Variants in RALGPS2 observed in about 807,000 individuals in gnomAD.
The protein encoded by RALGPS2 is Ral GEF with PH domain and SH3 binding motif 2, also known as ras-specific guanine nucleotide-releasing factor RalGPS2.
A neutral mutation model predicts 86.8 loss-of-function variants in RALGPS2; 43 were observed. The ratio of observed to expected loss-of-function variants is 0.50; its 90% CI spans 0.39 to 0.64. The LOEUF is 0.64. RALGPS2 is among the 30% of genes least tolerant of loss of function. The pLI is 0.00. For missense variants in RALGPS2, 536 were observed against 694.6 expected, an observed-to-expected ratio of 0.77 and a Z score of 2.57; for synonymous variants, 243 against 231.3, an observed-to-expected ratio of 1.05 and a Z score of -0.46.
At chr1:178,824,281 G>A (rs1655643451) in intron 7 of RALGPS2, among the ~76,000 whole-genome samples, 1 of 152,150 alleles carries the variant, frequency 6.6e-6, no homozygotes, top group Admixed American at 6.5e-5. Flanking sequence ...ACTGTAAAGG[G>A]CTGCAGTGTG....
At chr1:178,895,075 A>G (rs1231761625) in intron 16 of RALGPS2, among the ~76,000 whole-genome samples, 1 of 151,902 alleles carries the variant, frequency 6.6e-6, no homozygotes, top group African/African-American at 2.4e-5. Flanking sequence ...TGGGGGGGGA[A>G]AAAAGGAAGA....
At chr1:178,911,788 T>C (rs1341219901) in intron 19 of RALGPS2, among the ~76,000 whole-genome samples, 1 of 152,240 alleles carries the variant, frequency 6.6e-6, no homozygotes, top group African/African-American at 2.4e-5. Context: ...GCCTCAGTGA[T>C]CTGCCTGACA....
chr1:178,819,089 A>G (rs1655374364), intron 6 of RALGPS2, among the ~76,000 whole-genome samples: 1 of 151,652 alleles, frequency 6.6e-6, no homozygotes, highest in African/African-American at 2.4e-5. Flanking sequence ...CCTGGGCTCA[A>G]GCAGTCCTCC....
chr1:178,913,919 T>G (rs1419450512), intron 19 of RALGPS2, among the ~76,000 whole-genome samples: 4 of 152,154 alleles, frequency 2.6e-5, no homozygotes, highest in Non-Finnish European at 5.9e-5. Flanking sequence ...CAAAAGCACT[T>G]CCTCAGGGGC....
intron 2 of RALGPS2, among the ~76,000 whole-genome samples, chr1:178,781,117 C>A (rs1653373230): frequency 6.6e-6 from 1 of 151,880 alleles, no homozygotes; most frequent in Non-Finnish European, 1.5e-5. Flanking sequence ...TAAAATAGAT[C>A]ATTTCACTTG....
At chr1:178,873,256 G>T (rs895050767) in intron 8 of RALGPS2, among the ~76,000 whole-genome samples, 1 of 151,968 alleles carries the variant, frequency 6.6e-6, no homozygotes, top group Non-Finnish European at 1.5e-5. Flanking sequence ...AAATTTAACT[G>T]ACAAATTAGT....
At chr1:178,786,323 G>C (rs1653647184) in intron 4 of RALGPS2, among the ~76,000 whole-genome samples, 3 of 152,024 alleles carry the variant, frequency 2.0e-5, no homozygotes, top group Admixed American at 2.0e-4. Context: ...TTAATGGGAA[G>C]ATGGAAATTT....
intron 1 of RALGPS2, among the ~76,000 whole-genome samples, chr1:178,759,732 A>G (rs1553260068): frequency 3.3e-5 from 5 of 149,508 alleles, no homozygotes; most frequent in Non-Finnish European, 7.4e-5. Flanking sequence ...TGCAATATCC[A>G]TTTTTTTTTG....
intron 17 of RALGPS2, among the ~76,000 whole-genome samples, chr1:178,898,903 A>G (rs1235579481): frequency 1.3e-5 from 2 of 151,904 alleles, no homozygotes; most frequent in African/African-American, 4.8e-5. Flanking sequence ...TAGTTTTGCT[A>G]GAACAATTTG....
chr1:178,901,852 G>A (rs938655196), intron 17 of RALGPS2, among the ~76,000 whole-genome samples: 33 of 151,956 alleles, frequency 2.2e-4, no homozygotes, highest in Non-Finnish European at 3.5e-4. Flanking sequence ...TGCTCTCTGG[G>A]AATAGGGAAT....
intron 1 of RALGPS2, among the ~76,000 whole-genome samples, chr1:178,756,641 G>C (rs1430754563): frequency 1.3e-5 from 2 of 152,112 alleles, no homozygotes; most frequent in African/African-American, 4.8e-5. Context: ...TGGCTACTCA[G>C]GTTCTTTTTT....
chr1:178,746,851 T>C, intron 1 of RALGPS2: 1 of 1,175,468 alleles, frequency 8.5e-7, no homozygotes, highest in Non-Finnish European at 1.3e-6. Context: ...TAGAGGAAAG[T>C]CCTGTACGTC....
At chr1:178,772,310 A>T (rs1160362659) in intron 1 of RALGPS2, among the ~76,000 whole-genome samples, 1 of 152,204 alleles carries the variant, frequency 6.6e-6, no homozygotes, top group Non-Finnish European at 1.5e-5. Flanking sequence ...TGAGTAGAGC[A>T]TCTGGCCAAA....
At chr1:178,806,639 A>G (rs1417931984) in intron 4 of RALGPS2, among the ~76,000 whole-genome samples, 1 of 151,914 alleles carries the variant, frequency 6.6e-6, no homozygotes, top group Non-Finnish European at 1.5e-5. Context: ...TGTTCTCTGA[A>G]TATTTCTTTT....
intron 8 of RALGPS2, among the ~76,000 whole-genome samples, chr1:178,844,145 C>T (rs1051736467): frequency 5.3e-5 from 8 of 152,124 alleles, no homozygotes; most frequent in Non-Finnish European, 1.2e-4. Context: ...TTGGTAGCTT[C>T]ATTTAACTAT....
chr1:178,889,623 G>T lies in RALGPS2; in HGVS notation c.1193-19G>T. On this transcript the variant is annotated intron_variant, in intron 13 of 19. Coordinates refer to ENST00000367635, the MANE Select transcript of RALGPS2 (RefSeq NM_152663.5). ...AGGTAATTCTGATGTTTAAAAAATA[G>T]GATAACTTTTCATTTTAGGTAGCAG... is the stretch of plus-strand genomic sequence containing the variant. 3 of 1,563,118 alleles carry T rather than the reference G, an allele frequency of 1.9e-6. No homozygotes were observed. The highest frequency in any genetic ancestry group is 2.6e-6 in the Non-Finnish European group (3 of 1,138,368).
intron 19 of RALGPS2, among the ~76,000 whole-genome samples, chr1:178,908,993 A>G (rs1420972669): frequency 6.6e-6 from 1 of 152,146 alleles, no homozygotes; most frequent in African/African-American, 2.4e-5. Context: ...CTGTGTCCAG[A>G]ATGGTATATC....
chr1:178,816,468 A>T (rs1655235705), intron 6 of RALGPS2, among the ~76,000 whole-genome samples: 1 of 152,042 alleles, frequency 6.6e-6, no homozygotes, highest in Admixed American at 6.6e-5. Context: ...TTTTTAATGT[A>T]TTCTGAATAC....
At chr1:178,799,867 A>G (rs1011380805) in intron 4 of RALGPS2, among the ~76,000 whole-genome samples, 6 of 152,198 alleles carry the variant, frequency 3.9e-5, no homozygotes, top group African/African-American at 1.2e-4. Flanking sequence ...AGAAAAAGCC[A>G]TGAAAGCCAT....
Sources: allele counts gnomAD v4.1 joint callset (sites outside exome capture counted in the v4.1 genomes callset), GRCh38; gene constraint gnomAD v4.1.1; transcripts MANE v1.5; gene names NCBI Gene and HGNC (gene_info 2026-07-23, HGNC 2026-07-21).